Variants in NUDCD1 observed in about 807,000 individuals in gnomAD.
NUDCD1 encodes nudC domain-containing protein 1.
In NUDCD1, 60 loss-of-function variants were observed where a neutral mutation model predicts 67.8. The observed-to-expected ratio is 0.88, with a 90% CI of 0.72 to 1.10. The LOEUF (loss-of-function observed/expected upper bound fraction) is 1.10. Ranked by LOEUF, NUDCD1 falls within the 50% of genes least tolerant of loss-of-function variation. NUDCD1 has a pLI of 0.00. For synonymous variants in NUDCD1, 244 were observed against 230.8 expected, an observed-to-expected ratio of 1.06 and a Z score of -0.52; for missense variants, 643 against 695.0, an observed-to-expected ratio of 0.93 and a Z score of 0.84.
At chr8:109,279,797 A>G (rs900766432) in intron 6 of NUDCD1, among the ~76,000 whole-genome samples, 1 of 152,062 alleles carries the variant, frequency 6.6e-6, no homozygotes, top group Non-Finnish European at 1.5e-5. Flanking sequence ...ACGCCCAGCT[A>G]ATTTTTGTGT....
At position 109,275,441 on chromosome 8, in the gene NUDCD1, T is replaced by C. The variant is rs1282913152; in HGVS notation, c.1084A>G (p.Ile362Val). The C allele has an allele frequency of 6.2e-7, 1 of 1,613,712 alleles. No individual in the cohort carries two copies. Among genetic ancestry groups the C allele is most frequent in the South Asian group, 1.1e-5 (1 of 91,072 alleles). Residue 362 changes from isoleucine to valine, a missense_variant, in exon 7 of 10, where the codon ATT becomes GTT. Transcript: ENST00000239690. ...ATAAGTTCCCCTTGTTTATCTCCAA[T>C]TACTAGCTCTGGCCAGGTCAGTCCT... Reference protein sequence around the residue: ...NEGLTWPELVIGDKQGELIRD... With the variant: ...NEGLTWPELVVGDKQGELIRD...
At chr8:109,297,341 T>TA (rs1242999044) in intron 2 of NUDCD1, among the ~76,000 whole-genome samples, 2 of 152,240 alleles carry the variant, frequency 1.3e-5, no homozygotes, top group Non-Finnish European at 2.9e-5. Context: ...TCTATGTACT[T>TA]ATAATGTAAA....
Position 109,296,576 on chromosome 8 carries a change from A to C in NUDCD1, c.274-7T>G. ...GTTTTCCTAAGGCAGTGTCCTAAAA[A>C]GACCAAACATTATACATTAATCTCT... On this transcript the variant is annotated splice_region_variant and splice_polypyrimidine_tract_variant and intron_variant, in intron 2 of 9. Transcript: ENST00000239690. 6.3e-7 allele frequency: 1 copy of C among 1,578,290 alleles called. No individual in the cohort carries two copies. Among genetic ancestry groups the C allele is most frequent in the Non-Finnish European group, 8.7e-7 (1 of 1,153,810 alleles).
intron 8 of NUDCD1, among the ~76,000 whole-genome samples, chr8:109,269,236 G>C (rs1284364202): frequency 6.6e-6 from 1 of 152,164 alleles, no homozygotes; most frequent in East Asian, 1.9e-4. Context: ...TTAAAGTGTG[G>C]TGAACAAGAG....
intron 2 of NUDCD1, among the ~76,000 whole-genome samples, chr8:109,297,283 C>T (rs191275587): frequency 1.2e-4 from 19 of 152,318 alleles, no homozygotes; most frequent in Admixed American, 6.5e-4. Context: ...GAAAACACTA[C>T]ATTTAGCCTA....
chr8:109,242,768 G>C lies in NUDCD1; in HGVS notation c.*241C>G. 1 of 281,116 alleles carries C rather than the reference G, an allele frequency of 3.6e-6. No individual in the cohort carries two copies. The highest frequency in any genetic ancestry group is 6.6e-6 in the Non-Finnish European group (1 of 151,314). The allele number at this position is 281,116 out of a possible 1,614,324, so 17.4% of individuals were successfully genotyped here. ...CCTGTTTTAAAAAATAAGTATACTT[G>C]CTAGTACTATCTTCACTCTTTTTTT... is the stretch of plus-strand genomic sequence containing the variant. On this transcript the variant is annotated 3_prime_UTR_variant, in exon 10 of 10. Coordinates refer to ENST00000239690, the MANE Select transcript of NUDCD1 (RefSeq NM_032869.4).
chr8:109,274,848 A>G (rs1045307760), intron 7 of NUDCD1, among the ~76,000 whole-genome samples: 8 of 152,170 alleles, frequency 5.3e-5, no homozygotes, highest in Non-Finnish European at 2.9e-5. Context: ...ACACGTCATG[A>G]GAGTGGGAAT....
intron 2 of NUDCD1, among the ~76,000 whole-genome samples, chr8:109,318,981 G>A (rs917110246): frequency 6.2e-5 from 9 of 145,822 alleles, no homozygotes; most frequent in African/African-American, 1.5e-4. Context: ...TTTTTGAGAC[G>A]GACTCTTGCT....
intron 2 of NUDCD1, among the ~76,000 whole-genome samples, chr8:109,317,700 T>C (rs1586306598): frequency 6.6e-6 from 1 of 152,186 alleles, no homozygotes; most frequent in East Asian, 1.9e-4. Flanking sequence ...AGAAGGAATA[T>C]GTGCAAAAAA....
In NUDCD1 at chr8:109,311,747, A is replaced by G; in HGVS notation, c.273+10562T>C. ...GAGGATGCAAAAGCATAAGAATGAC[A>G]CAATGGACTTTGAGGACTCGGGGGA... On this transcript the variant is annotated intron_variant, in intron 2 of 9. Coordinates refer to ENST00000239690, the MANE Select transcript of NUDCD1 (RefSeq NM_032869.4). 1.3e-5 allele frequency among the ~76,000 whole-genome samples: 2 copies of G among 151,846 alleles called. 1 individual carries two copies. Among genetic ancestry groups the G allele is most frequent in the South Asian group, 4.2e-4 (2 of 4,814 alleles).
At chr8:109,253,026 G>A (rs925454802) in intron 8 of NUDCD1, among the ~76,000 whole-genome samples, 2 of 152,158 alleles carry the variant, frequency 1.3e-5, no homozygotes, top group East Asian at 3.9e-4. Context: ...GCCAACCCAT[G>A]TACTATAGGA....
chr8:109,291,748 T>G (rs1384772384), intron 4 of NUDCD1, among the ~76,000 whole-genome samples: 1 of 152,126 alleles, frequency 6.6e-6, no homozygotes, highest in Non-Finnish European at 1.5e-5. Context: ...CTCAATGTAT[T>G]TGTCCAGCTG....
intron 8 of NUDCD1, among the ~76,000 whole-genome samples, chr8:109,261,623 AAAAAGGCG>A (rs200755338): frequency 0.024 from 3,684 of 152,180 alleles, 134 homozygotes; most frequent in African/African-American, 0.084. Context: ...GGGCAAGAGG[AAAAAGGCG>A]TAAGGAGATA....
intron 1 of NUDCD1, among the ~76,000 whole-genome samples, chr8:109,333,032 C>T (rs2926244): frequency 0.63 from 96,425 of 152,112 alleles, 32,143 homozygotes; most frequent in African/African-American, 0.85. Context: ...TCTTTTGTTA[C>T]GGAAGGTGTC....
At chr8:109,248,286 G>T (rs1406633744) in intron 8 of NUDCD1, among the ~76,000 whole-genome samples, 1 of 152,176 alleles carries the variant, frequency 6.6e-6, no homozygotes, top group African/African-American at 2.4e-5. Flanking sequence ...CTCCCAAATT[G>T]TAAGAGAATA....
chr8:109,276,273 T>C (rs1814285263), intron 6 of NUDCD1, among the ~76,000 whole-genome samples: 1 of 152,076 alleles, frequency 6.6e-6, no homozygotes, highest in South Asian at 2.1e-4. Flanking sequence ...AAGTAACTTG[T>C]CCCATGTTCC....
At chr8:109,301,006 CAT>C (rs1394152002) in intron 2 of NUDCD1, among the ~76,000 whole-genome samples, 3 of 137,716 alleles carry the variant, frequency 2.2e-5, no homozygotes, top group Non-Finnish European at 3.3e-5. Context: ...AACAAAGCTT[CAT>C]ATATGAAGGA....
chr8:109,291,183 G>A (rs532914408), intron 4 of NUDCD1, among the ~76,000 whole-genome samples: 2 of 152,276 alleles, frequency 1.3e-5, no homozygotes, highest in South Asian at 4.2e-4. Context: ...TTGAGACAGG[G>A]TCTTACCCTG....
chr8:109,249,490 T>C (rs1813574732), intron 8 of NUDCD1, among the ~76,000 whole-genome samples: 1 of 152,230 alleles, frequency 6.6e-6, no homozygotes, highest in Admixed American at 6.5e-5. Context: ...GAGACAAATT[T>C]CTATACTCTT....
Sources: gnomAD v4.1 joint callset for allele counts (sites outside exome capture counted in the v4.1 genomes callset) on GRCh38, gnomAD v4.1.1 for gene constraint, MANE v1.5 for transcripts, NCBI Gene and HGNC (gene_info 2026-07-23, HGNC 2026-07-21) for gene names.